Variants in PUS1 observed in about 807,000 individuals in gnomAD.
PUS1 encodes the protein pseudouridine synthase 1.
In PUS1, 25 loss-of-function variants were observed where a neutral mutation model predicts 38.5. The observed-to-expected ratio is 0.65, with a 90% CI of 0.47 to 0.91. The LOEUF (loss-of-function observed/expected upper bound fraction) is 0.91, where lower values mean the gene tolerates loss of function less well. PUS1 is among the 40% of genes least tolerant of loss of function. PUS1 has a pLI of 0.00. For synonymous variants in PUS1, 282 were observed against 260.4 expected (o/e 1.08, Z -0.80); for missense variants, 597 against 612.3 (o/e 0.97, Z 0.26).
chr12:131,936,972 T>C (rs1479637858), intron 3 of PUS1, among the ~76,000 whole-genome samples: 1 of 152,036 alleles, frequency 6.6e-6, no homozygotes, highest in African/African-American at 2.4e-5. Flanking sequence ...CAGGTGTCCC[T>C]CAGCTGTTGA....
chr12:131,932,864 A>G, intron 3 of PUS1: 1 of 449,818 alleles, frequency 2.2e-6, no homozygotes, highest in Non-Finnish European at 4.4e-6. Flanking sequence ...TCACACTGTT[A>G]TAAAGAACTG....
chr12:131,929,615 C>G lies in PUS1; in HGVS notation c.-108C>G. The G allele has an allele frequency of 1.0e-6, 1 of 966,064 alleles. No individual in the cohort carries two copies. Among genetic ancestry groups the G allele is most frequent in the Non-Finnish European group, 1.5e-6 (1 of 678,802 alleles). The allele number at this position is 966,064 out of a possible 1,614,324, so 59.8% of individuals were successfully genotyped here. A position where few individuals can be genotyped will look rare whatever the true frequency, so the allele number is the denominator to read the frequency against. On this transcript the variant is annotated 5_prime_UTR_variant, in exon 1 of 6. Transcript: ENST00000376649. ...AGGTCAGGGGTCAGAAGGAACAGGG[C>G]TGCAGCGTCAGGGTCCGAGAGGTTA...
intron 4 of PUS1, among the ~76,000 whole-genome samples, chr12:131,940,232 T>C (rs1291555270): frequency 5.3e-5 from 8 of 152,174 alleles, no homozygotes; most frequent in Non-Finnish European, 1.2e-4. Context: ...GGTTTCGCCA[T>C]GTCGCCCAGG....
In PUS1 at chr12:131,941,472, C is replaced by T. The variant is rs886049092; in HGVS notation, c.725C>T (p.Thr242Met). ...AGGCTCCTGGCCTGCTACAAGGGCACGCACAACTTCCACAATTTCACCTCG... is the reference window on the plus strand; with the variant it reads ...AGGCTCCTGGCCTGCTACAAGGGCATGCACAACTTCCACAATTTCACCTCG... ...VNRLLACYKG[T>M]HNFHNFTSQK... The change falls in exon 5 of 6, where the codon ACG becomes ATG. Residue 242 changes from threonine (T) to methionine (M), a missense_variant. Coordinates refer to ENST00000376649, the MANE Select transcript of PUS1 (RefSeq NM_025215.6). This position sits in a 1 kb window ranked among gnomAD's most constrained non-coding sequence, Gnocchi z 4.4. 6.8e-6 allele frequency: 11 copies of T among 1,613,498 alleles called. No individual in the cohort carries two copies. Among genetic ancestry groups the T allele is most frequent in the Admixed American group, 3.3e-5 (2 of 60,018 alleles).
chr12:131,936,687 G>A (rs112900682), intron 3 of PUS1, among the ~76,000 whole-genome samples: 4 of 151,688 alleles, frequency 2.6e-5, no homozygotes, highest in Admixed American at 2.0e-4. Flanking sequence ...CCAGGAGTTC[G>A]AGACCAGCCT....
At position 131,941,688 on chromosome 12, in the gene PUS1, T is replaced by C; in HGVS notation, c.941T>C (p.Leu314Pro). 1 of 1,614,198 alleles carries C rather than the reference T, an allele frequency of 6.2e-7. No individual in the cohort carries two copies. The highest frequency in any genetic ancestry group is 2.2e-5 in the East Asian group (1 of 44,882). ...IVKGYAPESV[L>P]ERSWGTEKVD... ...AAGGGTTATGCCCCTGAGAGCGTGC[T>C]GGAGCGCAGCTGGGGCACAGAGAAG... The change falls in exon 5 of 6, where the codon CTG becomes CCG. Residue 314 changes from leucine to proline, a missense_variant. Leu to Pro is a moderately conservative substitution (Grantham distance 98). Transcript: ENST00000376649. The surrounding 1 kb of genome is among the most constrained non-coding windows in gnomAD (Gnocchi z 4.4).
In PUS1 at chr12:131,930,119, G is replaced by A. The variant is rs143828069; in HGVS notation, c.287G>A (p.Gly96Asp). The change falls in exon 2 of 6, where the codon GGC (glycine) becomes GAC (aspartate). Residue 96 changes from glycine (G) to aspartate (D), a missense_variant. By Grantham distance (94) the Gly-to-Asp change is moderately conservative (BLOSUM62 -1). Transcript: ENST00000376649. ...CTGCTCATGGCCTATTCGGGCAAGG[G>A]CTACCACGGCATGCAGGTGTGGCCG... ...IVLLMAYSGKGYHGMQRNVGS... is the reference protein window; with the variant it reads ...IVLLMAYSGKDYHGMQRNVGS... The A allele has an allele frequency of 9.7e-5, 138 of 1,426,928 alleles. No homozygotes were observed. The highest frequency in any genetic ancestry group is 1.1e-4 in the Non-Finnish European group (125 of 1,090,500). 88.4% of individuals were successfully genotyped at this position (1,426,928 alleles called of 1,614,324 possible). A position where few individuals can be genotyped will look rare whatever the true frequency, so the allele number is the denominator to read the frequency against.
At position 131,941,154 on chromosome 12, in the gene PUS1, A is replaced by G; in HGVS notation, c.545-138A>G. 2.7e-6 allele frequency: 2 copies of G among 736,428 alleles called. No individual in the cohort carries two copies. The highest frequency in any genetic ancestry group is 4.7e-6 in the Non-Finnish European group (2 of 429,266). The allele number at this position is 736,428 out of a possible 1,614,324, so 45.6% of individuals were successfully genotyped here. A position where few individuals can be genotyped will look rare whatever the true frequency, so the allele number is the denominator to read the frequency against. ...CCCAGCCTGTGGCTGCCCCCTCCCC[A>G]GAGAAGCCGATGCTTGCTGGAGCTT... On this transcript the variant is annotated intron_variant, in intron 4 of 5. Transcript: ENST00000376649. This position sits in a 1 kb window ranked among gnomAD's most constrained non-coding sequence, Gnocchi z 4.4.
Position 131,939,092 on chromosome 12 carries a change from C to T in PUS1, c.442-81C>T, listed in dbSNP as rs893289293. The T allele has an allele frequency of 1.8e-5, 16 of 886,920 alleles. No individual in the cohort carries two copies. The African/African-American group carries it at 2.0e-4, about 11-fold the overall frequency. The allele number at this position is 886,920 out of a possible 1,614,324, so 54.9% of individuals were successfully genotyped here. On this transcript the variant is annotated intron_variant, in intron 3 of 5. Coordinates refer to ENST00000376649, the MANE Select transcript of PUS1 (RefSeq NM_025215.6). ...TTCATGTGTGAAATGACGTAAGGTC[C>T]GCGTAGTCCTTCTTTCTCAGAGACC...
chr12:131,934,446 C>T (rs1248868195), intron 3 of PUS1, among the ~76,000 whole-genome samples: 5 of 152,180 alleles, frequency 3.3e-5, no homozygotes, highest in African/African-American at 1.2e-4. Context: ...CTTCTGGTCA[C>T]CTCTCACAGT....
At position 131,941,498 on chromosome 12, in the gene PUS1, C is replaced by G; in HGVS notation, c.751C>G (p.Gln251Glu). ...GCACAACTTCCACAATTTCACCTCG[C>G]AGAAGGGGCCGCAGGATCCCAGTGC... ...GTHNFHNFTS[Q>E]KGPQDPSACR... is the part of the protein sequence containing the mutation. The change falls in exon 5 of 6, where the codon CAG becomes GAG. Residue 251 changes from glutamine to glutamate, a missense_variant. Transcript: ENST00000376649. This position sits in a 1 kb window ranked among gnomAD's most constrained non-coding sequence, Gnocchi z 4.4. The G allele has an allele frequency of 6.2e-7, 1 of 1,613,884 alleles. No individual in the cohort carries two copies. Among genetic ancestry groups the G allele is most frequent in the Non-Finnish European group, 8.5e-7 (1 of 1,179,724 alleles).
chr12:131,932,007 G>C (rs969922040), intron 2 of PUS1, 168 bp from the exon 3 acceptor site: 1 of 711,764 alleles, frequency 1.4e-6, no homozygotes, highest in Non-Finnish European at 2.5e-6. Context: ...CCCAGGGTGA[G>C]TGAGCAGAAA....
intron 3 of PUS1, among the ~76,000 whole-genome samples, chr12:131,936,950 C>A (rs1890860275): frequency 6.6e-6 from 1 of 152,096 alleles, no homozygotes; most frequent in Non-Finnish European, 1.5e-5. Flanking sequence ...ACATAGGACA[C>A]CCCAGAGGTA....
At position 131,943,629 on chromosome 12, in the gene PUS1, AGT is replaced by A. The variant is rs1397427666; in HGVS notation, c.*49_*50del. 1.7e-5 allele frequency: 26 copies of A among 1,541,590 alleles called. No homozygotes were observed. The highest frequency in any genetic ancestry group is 2.2e-5 in the Non-Finnish European group (25 of 1,115,906). The stretch of plus-strand genomic sequence containing the variant: ...ACCAGAGTGCCTCTGAGCAGCTCAC[AGT>A]GTGTGCCCAGATGTGCCACCCCTGT... On this transcript the variant is annotated 3_prime_UTR_variant, in exon 6 of 6. Transcript: ENST00000376649.
intron 3 of PUS1, among the ~76,000 whole-genome samples, chr12:131,934,235 A>G (rs541511214): frequency 1.3e-5 from 2 of 152,336 alleles, no homozygotes; most frequent in East Asian, 3.9e-4. Flanking sequence ...CCCGCTGATG[A>G]CTGCGGGCAG....
intron 5 of PUS1, among the ~76,000 whole-genome samples, chr12:131,942,546 A>G (rs896530724): frequency 1.3e-4 from 20 of 152,046 alleles, no homozygotes; most frequent in African/African-American, 3.9e-4. Context: ...AGCTGGGACT[A>G]CAGGCGCCCA....
Position 131,939,285 on chromosome 12 carries a change from G to A in PUS1, c.544+10G>A. 1 of 1,521,902 alleles carries A rather than the reference G, an allele frequency of 6.6e-7. No individual in the cohort carries two copies. Among genetic ancestry groups the A allele is most frequent in the Non-Finnish European group, 8.9e-7 (1 of 1,118,754 alleles). The allele number at this position is 1,521,902 out of a possible 1,614,324, so 94.3% of individuals were successfully genotyped here. On this transcript the variant is annotated intron_variant, in intron 4 of 5. Transcript: ENST00000376649. ...CACATTCGGATTCTGGGTAAGCCTT[G>A]CAGTGCAGGCGGCCACACACCTGGT... is the stretch of plus-strand genomic sequence containing the variant.
chr12:131,933,394 C>T (rs1356685178), intron 3 of PUS1, among the ~76,000 whole-genome samples: 2 of 152,070 alleles, frequency 1.3e-5, no homozygotes, highest in Non-Finnish European at 2.9e-5. Flanking sequence ...CTCATTTCGG[C>T]GTGTAATCCA....
At position 131,941,167 on chromosome 12, in the gene PUS1, C is replaced by T; in HGVS notation, c.545-125C>T. The T allele has an allele frequency of 1.2e-6, 1 of 814,892 alleles. No individual in the cohort carries two copies. Among genetic ancestry groups the T allele is most frequent in the Non-Finnish European group, 2.0e-6 (1 of 493,238 alleles). 50.5% of individuals were successfully genotyped at this position (814,892 alleles called of 1,614,324 possible). Reference sequence around the variant, plus strand: ...TGCCCCCTCCCCAGAGAAGCCGATGCTTGCTGGAGCTTGGTCGGTGCTCTG... The same window carrying T: ...TGCCCCCTCCCCAGAGAAGCCGATGTTTGCTGGAGCTTGGTCGGTGCTCTG... On this transcript the variant is annotated intron_variant, in intron 4 of 5. Transcript: ENST00000376649. The surrounding 1 kb of genome is among the most constrained non-coding windows in gnomAD (Gnocchi z 4.4).
Sources: gnomAD v4.1 joint callset for allele counts (sites outside exome capture counted in the v4.1 genomes callset) on GRCh38, gnomAD v4.1.1 for gene constraint, Gnocchi (gnomAD v3.1) non-coding constraint, MANE v1.5 for transcripts, NCBI Gene and HGNC (gene_info 2026-07-23, HGNC 2026-07-21) for gene names.